Variants in LUZP1 observed in about 807,000 individuals in gnomAD.
The protein encoded by LUZP1 is leucine zipper protein 1.
LUZP1 carries 25 observed loss-of-function variants against 71.3 expected under a neutral mutation model. The ratio of observed to expected loss-of-function variants is 0.35; its 90% CI spans 0.26 to 0.49. The LOEUF is 0.49. LUZP1 is among the 20% of genes least tolerant of loss of function. The pLI is 0.99. For missense variants in LUZP1, 1,142 were observed against 1,300.8 expected, an observed-to-expected ratio of 0.88 and a Z score of 1.88; for synonymous variants, 481 against 506.4, an observed-to-expected ratio of 0.95 and a Z score of 0.67.
intron 2 of LUZP1, among the ~76,000 whole-genome samples, chr1:23,151,933 C>T (rs990740455): frequency 4.0e-5 from 6 of 149,288 alleles, no homozygotes; most frequent in East Asian, 2.0e-4. Context: ...ACCCAGGAGG[C>T]GGAGGTTGCA....
At chr1:23,160,653 T>A (rs1644456944) in intron 2 of LUZP1, among the ~76,000 whole-genome samples, 1 of 152,180 alleles carries the variant, frequency 6.6e-6, no homozygotes, top group Non-Finnish European at 1.5e-5. Flanking sequence ...TACCTATACA[T>A]AAATATCATT....
At chr1:23,157,714 C>T (rs1644430932) in intron 2 of LUZP1, among the ~76,000 whole-genome samples, 1 of 151,970 alleles carries the variant, frequency 6.6e-6, no homozygotes, top group Non-Finnish European at 1.5e-5. Flanking sequence ...TAGCTTGAAC[C>T]CAGGAGGCGG....
chr1:23,128,058 G>C (rs1380382905), intron 2 of LUZP1, among the ~76,000 whole-genome samples: 1 of 152,050 alleles, frequency 6.6e-6, no homozygotes, highest in East Asian at 1.9e-4. Flanking sequence ...TTGAACCTGG[G>C]AGGCGGAGGT....
At position 23,091,762 on chromosome 1, in the gene LUZP1, C is replaced by T. The variant is rs369490916; in HGVS notation, c.2500G>A (p.Val834Ile). 5.6e-6 allele frequency: 9 copies of T among 1,614,062 alleles called. No individual in the cohort carries two copies. The highest frequency in any genetic ancestry group is 2.7e-5 in the African/African-American group (2 of 75,040). Residue 834 changes from valine to isoleucine, a missense_variant, in exon 4 of 5, where the codon GTT becomes ATT. Transcript: ENST00000302291. ...AAAGGGGAGCTGACATGGTTGCTAACTGATGTGAGCTCTGCCAGCCCCACC... is the reference window on the plus strand; with the variant it reads ...AAAGGGGAGCTGACATGGTTGCTAATTGATGTGAGCTCTGCCAGCCCCACC...
At chr1:23,117,624 G>T (rs941450541) in intron 2 of LUZP1, among the ~76,000 whole-genome samples, 4 of 151,520 alleles carry the variant, frequency 2.6e-5, no homozygotes, top group Admixed American at 1.3e-4. Context: ...GTATAATAAG[G>T]CAGCATCCAA....
intron 2 of LUZP1, among the ~76,000 whole-genome samples, chr1:23,160,484 T>A (rs500167): frequency 3.3e-5 from 5 of 152,208 alleles, no homozygotes; most frequent in Admixed American, 2.0e-4. Context: ...GAGAATCTGC[T>A]TTGTGGCATT....
rs76587925 is a variant in LUZP1 at position 23,111,550 on chromosome 1, C to T, written c.-225-2423G>A. On this transcript the variant is annotated intron_variant, in intron 2 of 4. Coordinates refer to ENST00000302291, the Ensembl canonical transcript of LUZP1. The stretch of plus-strand genomic sequence containing the variant: ...CACTCCAGCTTAGATGACAGAGTGA[C>T]GCTCTATATTTAAAAATAATTTTAA... Among the ~76,000 whole-genome samples, 1,216 of 152,184 alleles carry T rather than the reference C, an allele frequency of 8.0e-3. 10 individuals carry two copies. Among genetic ancestry groups the T allele is most frequent in the African/African-American group, 0.027 (1,139 of 41,510 alleles).
intron 1 of LUZP1, among the ~76,000 whole-genome samples, chr1:23,174,797 G>A (rs1644573307): frequency 6.6e-6 from 1 of 152,122 alleles, no homozygotes; most frequent in Non-Finnish European, 1.5e-5. Flanking sequence ...AGTCTGCCAA[G>A]AATCATAGAA....
chr1:23,139,854 G>A (rs1341182572), intron 2 of LUZP1, among the ~76,000 whole-genome samples: 2 of 151,996 alleles, frequency 1.3e-5, no homozygotes, highest in Non-Finnish European at 2.9e-5. Flanking sequence ...GGAGGCTGAG[G>A]TGGGAGGATC....
chr1:23,097,876 G>C (rs989723689), intron 3 of LUZP1, among the ~76,000 whole-genome samples: 1 of 152,084 alleles, frequency 6.6e-6, no homozygotes, highest in African/African-American at 2.4e-5. Context: ...TAGATAGATA[G>C]GAATTAAGGT....
chr1:23,139,021 T>TAA (rs1644281771), intron 2 of LUZP1, among the ~76,000 whole-genome samples: 1 of 52,818 alleles, frequency 1.9e-5, no homozygotes, highest in Non-Finnish European at 3.3e-5. Context: ...AAAAAAAAAA[T>TAA]ATATATATAT....
chr1:23,102,849 A>T (rs940243795), intron 3 of LUZP1, among the ~76,000 whole-genome samples: 1 of 152,236 alleles, frequency 6.6e-6, no homozygotes, highest in African/African-American at 2.4e-5. Context: ...CCTGTCTGCC[A>T]GAATTTGCCA....
At chr1:23,135,609 G>A (rs1415965253) in intron 2 of LUZP1, among the ~76,000 whole-genome samples, 3 of 152,128 alleles carry the variant, frequency 2.0e-5, no homozygotes, top group Admixed American at 6.6e-5. Flanking sequence ...GAGAGAACAC[G>A]GGTTGGGATA....
chr1:23,134,298 C>A (rs930120908), intron 2 of LUZP1, among the ~76,000 whole-genome samples: 2 of 145,734 alleles, frequency 1.4e-5, no homozygotes, highest in Non-Finnish European at 3.0e-5. Context: ...CTGGGCAACA[C>A]AGCAAGACCC....
intron 2 of LUZP1, among the ~76,000 whole-genome samples, chr1:23,138,270 G>A (rs573503425): frequency 3.9e-4 from 59 of 152,134 alleles, no homozygotes; most frequent in South Asian, 2.1e-3. Context: ...CACCGCACCC[G>A]ACCACAAAAT....
intron 1 of LUZP1, among the ~76,000 whole-genome samples, chr1:23,170,200 G>C (rs1002590041): frequency 6.6e-6 from 1 of 152,112 alleles, no homozygotes; most frequent in African/African-American, 2.4e-5. Context: ...CCTCCCATTT[G>C]TTTCTTAGCA....
upstream of LUZP1, chr1:23,177,861 C>A (rs1203450570): frequency 1.3e-5 from 2 of 152,374 alleles, no homozygotes; most frequent in African/African-American, 2.4e-5. Context: ...TTCCTGCAGC[C>A]GAGGGCCGGG....
exon 4 of LUZP1, chr1:23,091,499 C>T (rs763584927): frequency 1.7e-5 from 28 of 1,614,078 alleles, no homozygotes; most frequent in Non-Finnish European, 2.4e-5. Flanking sequence ...TCCAGGCATT[C>T]CGCACAGTAA....
At chr1:23,172,730 G>A (rs906811961) in intron 1 of LUZP1, among the ~76,000 whole-genome samples, 21 of 151,874 alleles carry the variant, frequency 1.4e-4, no homozygotes, top group Non-Finnish European at 2.5e-4. Context: ...GCCCAGGCTG[G>A]TCTCGAATGC....
Sources: gnomAD v4.1 joint callset for allele counts (sites outside exome capture counted in the v4.1 genomes callset) on GRCh38, gnomAD v4.1.1 for gene constraint, MANE v1.5 for transcripts, NCBI Gene and HGNC (gene_info 2026-07-23, HGNC 2026-07-21) for gene names.